Variants in MYOF observed in about 807,000 individuals in gnomAD.
MYOF encodes the protein fer-1-like 3, myoferlin.
MYOF carries 244 observed loss-of-function variants against 284.2 expected under a neutral mutation model. The observed-to-expected ratio is 0.86, with a 90% CI of 0.77 to 0.95. MYOF has a LOEUF of 0.95. Ranked by LOEUF, MYOF falls within the 40% of genes least tolerant of loss-of-function variation. The probability of loss-of-function intolerance (pLI) is 0.00; values close to 1 mark genes in which losing one functional copy is unlikely to be tolerated. For synonymous variants in MYOF, 904 were observed against 919.7 expected (o/e 0.98, Z 0.31); for missense variants, 2,496 against 2,560.6 (o/e 0.97, Z 0.54).
chr10:93,405,537 T>C (rs1847514748), intron 7 of MYOF, among the ~76,000 whole-genome samples: 1 of 152,196 alleles, frequency 6.6e-6, no homozygotes, highest in African/African-American at 2.4e-5. Context: ...CAAGTGATCC[T>C]CCTGGCTTGG....
At chr10:93,353,979 A>T in intron 31 of MYOF, 91 bp from the exon 32 acceptor site, 1 of 1,008,734 alleles carries the variant, frequency 9.9e-7, no homozygotes, top group South Asian at 1.6e-5. Flanking sequence ...CATGTTTCTG[A>T]TAAATGGGTC....
chr10:93,472,418 C>T (rs1426937540), intron 1 of MYOF, among the ~76,000 whole-genome samples: 1 of 152,144 alleles, frequency 6.6e-6, no homozygotes, highest in Non-Finnish European at 1.5e-5. Context: ...GTGGGCAGAT[C>T]ACTTGAGGTC....
chr10:93,431,596 C>A, intron 3 of MYOF, 80 bp from the exon 4 acceptor site: 1 of 1,002,608 alleles, frequency 1.0e-6, no homozygotes, highest in Non-Finnish European at 1.5e-6. Context: ...CAACCCCTAC[C>A]TCTTCATCTG....
intron 16 of MYOF, among the ~76,000 whole-genome samples, chr10:93,394,368 C>A (rs1846859742): frequency 6.7e-6 from 1 of 149,430 alleles, no homozygotes; most frequent in South Asian, 2.2e-4. Flanking sequence ...TCCCAAAGTG[C>A]TGGGATTACA....
intron 1 of MYOF, among the ~76,000 whole-genome samples, chr10:93,472,135 C>T (rs1024896375): frequency 1.3e-5 from 2 of 152,154 alleles, no homozygotes; most frequent in Non-Finnish European, 1.5e-5. Context: ...GAGGACGAGG[C>T]CTGCACTGCA....
chr10:93,359,598 G>A (rs1244997678), intron 29 of MYOF, among the ~76,000 whole-genome samples: 1 of 152,196 alleles, frequency 6.6e-6, no homozygotes, highest in East Asian at 1.9e-4. Flanking sequence ...AACTACAGAT[G>A]GCTGGGCCTG....
chr10:93,373,266 C>T (rs1018131317), intron 23 of MYOF, among the ~76,000 whole-genome samples, 181 bp from the exon 24 acceptor site: 1 of 152,140 alleles, frequency 6.6e-6, no homozygotes, highest in Non-Finnish European at 1.5e-5. Flanking sequence ...GTTTGCAGGG[C>T]TGGGAGGCAG....
rs147804010 is a variant in MYOF, at chr10:93,387,713, T to C, written c.1698+84A>G. 1,488 of 1,072,688 alleles carry C rather than the reference T, an allele frequency of 1.4e-3. 13 individuals carry two copies. The African/African-American group carries it at 0.021, about 15-fold the overall frequency. 66.4% of individuals were successfully genotyped at this position (1,072,688 alleles called of 1,614,324 possible). ...ATGAGGGCCTCATTGTGAGTTGGGTTGCCTTCCGACTCCCCCAGCTACCCC... is the reference window on the plus strand; with the variant it reads ...ATGAGGGCCTCATTGTGAGTTGGGTCGCCTTCCGACTCCCCCAGCTACCCC... On this transcript the variant is annotated intron_variant, in intron 19 of 53. Coordinates refer to ENST00000359263, the MANE Select transcript of MYOF (RefSeq NM_013451.4).
At chr10:93,393,625 C>T (rs1175845818) in intron 16 of MYOF, among the ~76,000 whole-genome samples, 1 of 152,234 alleles carries the variant, frequency 6.6e-6, no homozygotes, top group Non-Finnish European at 1.5e-5. Context: ...AATGACTTCT[C>T]ATGAATAATG....
At chr10:93,336,461 A>C (rs1301766825) in intron 40 of MYOF, among the ~76,000 whole-genome samples, 1 of 152,228 alleles carries the variant, frequency 6.6e-6, no homozygotes, top group African/African-American at 2.4e-5. Flanking sequence ...CGTGGGGATA[A>C]AAGGCCAGAC....
chr10:93,384,711 G>A (rs1846283155), intron 19 of MYOF, among the ~76,000 whole-genome samples: 1 of 152,134 alleles, frequency 6.6e-6, no homozygotes, highest in Admixed American at 6.5e-5. Flanking sequence ...TTAGGGCCTT[G>A]GGGCTCTCTT....
intron 24 of MYOF, among the ~76,000 whole-genome samples, 179 bp downstream of exon 24, chr10:93,372,750 GC>G: frequency 6.6e-6 from 1 of 152,270 alleles, no homozygotes. Context: ...TTGAAAGCTG[GC>G]CAACCTCAGA....
chr10:93,469,926 T>C (rs1189124920), intron 1 of MYOF, among the ~76,000 whole-genome samples: 1 of 152,048 alleles, frequency 6.6e-6, no homozygotes, highest in Admixed American at 6.6e-5. Context: ...TTTACTTTTT[T>C]GGTGAGAAAA....
Position 93,328,851 on chromosome 10 carries a change from G to T in MYOF, c.5043C>A (p.Ala1681=), listed in dbSNP as rs1843174143. 2 of 1,613,654 alleles carry T rather than the reference G, an allele frequency of 1.2e-6. No homozygotes were observed. Among genetic ancestry groups the T allele is most frequent in the African/African-American group, 2.7e-5 (2 of 74,924 alleles). Residue 1681 remains alanine (A), a synonymous_variant, in exon 45 of 54, where the codon GCC becomes GCA. Transcript: ENST00000359263. ...TGGGTTGTGGGAAGCCTTTGAATCT[G>T]GCGACATTTTGAAGCAGCTGTGTTG... The part of the protein sequence containing the change: ...LRPTQLLQNV[A]RFKGFPQPIL...
chr10:93,356,894 T>G, intron 29 of MYOF, 46 bp from the exon 30 acceptor site: 2 of 1,541,714 alleles, frequency 1.3e-6, no homozygotes, highest in Non-Finnish European at 1.8e-6. Context: ...ATGATGATGA[T>G]ATTCCTTATT....
intron 41 of MYOF, 88 bp from the exon 42 acceptor site, chr10:93,334,001 G>T: frequency 7.4e-7 from 1 of 1,342,300 alleles, no homozygotes; most frequent in Non-Finnish European, 1.0e-6. Flanking sequence ...CCAGGGGTGT[G>T]GGATTGAAGG....
At chr10:93,420,085 A>T (rs901951466) in intron 5 of MYOF, among the ~76,000 whole-genome samples, 1 of 152,202 alleles carries the variant, frequency 6.6e-6, no homozygotes, top group African/African-American at 2.4e-5. Flanking sequence ...GTGAGCTGAG[A>T]TCACTGGGCA....
chr10:93,354,609 A>C (rs901497365), intron 31 of MYOF, among the ~76,000 whole-genome samples: 3 of 150,404 alleles, frequency 2.0e-5, no homozygotes, highest in African/African-American at 7.3e-5. Flanking sequence ...TGACATTTCA[A>C]AATATTCATA....
intron 35 of MYOF, among the ~76,000 whole-genome samples, chr10:93,350,633 C>T (rs923958724): frequency 2.0e-5 from 3 of 152,122 alleles, no homozygotes; most frequent in Admixed American, 6.5e-5. Context: ...CTTCTTAACA[C>T]GGTGTCTGAC....
Sources: gnomAD v4.1 joint callset for allele counts (sites outside exome capture counted in the v4.1 genomes callset) on GRCh38, gnomAD v4.1.1 for gene constraint, MANE v1.5 for transcripts, NCBI Gene and HGNC (gene_info 2026-07-23, HGNC 2026-07-21) for gene names.